SPIRE1: variants seen among roughly 807,000 people sequenced by gnomAD.
SPIRE1 encodes protein spire homolog 1.
A neutral mutation model predicts 94.1 loss-of-function variants in SPIRE1; 40 were observed. That is an observed-to-expected ratio of 0.43 (90% CI 0.33 to 0.55). The LOEUF (loss-of-function observed/expected upper bound fraction) is 0.55. Among genes scored for constraint, SPIRE1 ranks in the 20% least tolerant of loss-of-function variants. The pLI, the probability that SPIRE1 is intolerant of heterozygous loss-of-function variation, is 0.06. For synonymous variants in SPIRE1, 376 were observed against 371.7 expected, an observed-to-expected ratio of 1.01 and a Z score of -0.13; for missense variants, 838 against 975.2, an observed-to-expected ratio of 0.86 and a Z score of 1.87.
intron 10 of SPIRE1, among the ~76,000 whole-genome samples, chr18:12,465,604 T>C (rs1171349471): frequency 6.6e-6 from 1 of 152,170 alleles, no homozygotes; most frequent in East Asian, 1.9e-4. Flanking sequence ...TTAATATTAT[T>C]AGGGAAATAT....
intron 5 of SPIRE1, among the ~76,000 whole-genome samples, chr18:12,511,082 T>G (rs1015790595): frequency 6.6e-6 from 1 of 152,232 alleles, no homozygotes; most frequent in African/African-American, 2.4e-5. Flanking sequence ...TTGTTTATTC[T>G]GCATTCCCGG....
intron 12 of SPIRE1, among the ~76,000 whole-genome samples, chr18:12,457,883 C>A (rs1652681): frequency 7.1e-6 from 1 of 141,784 alleles, no homozygotes; most frequent in Non-Finnish European, 1.5e-5. Flanking sequence ...CTCGCTCTTT[C>A]GCCCAGGCTG....
At chr18:12,624,412 G>A (rs112883150) in intron 2 of SPIRE1, among the ~76,000 whole-genome samples, 5 of 151,262 alleles carry the variant, frequency 3.3e-5, no homozygotes, top group East Asian at 2.0e-4. Context: ...GCGTGGTGGC[G>A]TGTGCCTGTA....
intron 10 of SPIRE1, among the ~76,000 whole-genome samples, chr18:12,469,355 A>G (rs1021204369): frequency 2.8e-4 from 42 of 151,608 alleles, no homozygotes; most frequent in African/African-American, 1.0e-3. Flanking sequence ...GGCAAGTGCC[A>G]CCATGCCTGG....
intron 8 of SPIRE1, among the ~76,000 whole-genome samples, chr18:12,487,061 C>T (rs1243298767): frequency 1.3e-5 from 2 of 152,154 alleles, no homozygotes; most frequent in Admixed American, 6.5e-5. Context: ...CCATATTGGC[C>T]AGGCTGGTCT....
rs1043623589 is a variant in SPIRE1 at position 12,615,544 on chromosome 18, A to C, written c.372+19518T>G. ...GACAGAGAGAGACTCTATCTCCACA[A>C]AAAAAAAAAAAATCCCAAATTTTAA... On this transcript the variant is annotated intron_variant, in intron 2 of 16. Coordinates refer to ENST00000409402, the MANE Select transcript of SPIRE1 (RefSeq NM_001128626.2). Among the ~76,000 whole-genome samples the C allele has an allele frequency of 2.3e-3, 323 of 143,450 alleles. 3 individuals carry two copies. Among genetic ancestry groups the C allele is most frequent in the African/African-American group, 7.7e-3 (303 of 39,258 alleles). 94.1% of individuals were successfully genotyped at this position (143,450 alleles called of 152,430 possible). A position where few individuals can be genotyped will look rare whatever the true frequency, so the allele number is the denominator to read the frequency against.
chr18:12,449,702 A>G lies in SPIRE1; in HGVS notation c.2207T>C (p.Phe736Ser). 3.1e-6 allele frequency: 5 copies of G among 1,614,176 alleles called. No homozygotes were observed. Among genetic ancestry groups the G allele is most frequent in the Non-Finnish European group, 3.4e-6 (4 of 1,180,038 alleles). The change falls in exon 17 of 17, where the codon TTC becomes TCC. Residue 736 changes from phenylalanine to serine, a missense_variant. Physicochemically the swap from Phe to Ser is radical, Grantham distance 155. Coordinates refer to ENST00000409402, the MANE Select transcript of SPIRE1 (RefSeq NM_001128626.2). ...CGAGGGGCCTGGCGAGGACATGTAG[A>G]AAGACTGCGTTTTCCTTTTCAATCG... Reference protein sequence around the residue: ...RARLKRKTQSFYMSSPGPSEY... With the variant: ...RARLKRKTQSSYMSSPGPSEY...
chr18:12,561,136 AAG>A (rs1396017492), intron 2 of SPIRE1, among the ~76,000 whole-genome samples: 2 of 152,306 alleles, frequency 1.3e-5, no homozygotes, highest in African/African-American at 4.8e-5. Context: ...AAAAAGAAAA[AAG>A]AAATATTTAA....
intron 1 of SPIRE1, among the ~76,000 whole-genome samples, chr18:12,648,908 A>T (rs966513763): frequency 6.6e-6 from 1 of 151,402 alleles, no homozygotes; most frequent in South Asian, 2.1e-4. Context: ...AAAAAAAAAA[A>T]AAAGAAAAAG....
chr18:12,635,946 T>C (rs900312948), intron 1 of SPIRE1, among the ~76,000 whole-genome samples: 2 of 151,688 alleles, frequency 1.3e-5, no homozygotes, highest in Admixed American at 6.6e-5. Context: ...TGGAGTGCAG[T>C]GGTGTGATTT....
intron 3 of SPIRE1, among the ~76,000 whole-genome samples, chr18:12,542,118 A>G (rs779485207): frequency 6.6e-6 from 1 of 151,920 alleles, no homozygotes; most frequent in Non-Finnish European, 1.5e-5. Context: ...CTGGGATTAC[A>G]GGCATGCAGC....
chr18:12,508,044 G>C (rs1377912398), intron 5 of SPIRE1, among the ~76,000 whole-genome samples: 1 of 152,084 alleles, frequency 6.6e-6, no homozygotes, highest in African/African-American at 2.4e-5. Flanking sequence ...TACTCAGGAG[G>C]CTGAGGCAGG....
intron 4 of SPIRE1, among the ~76,000 whole-genome samples, chr18:12,524,336 G>C (rs906792471): frequency 6.6e-6 from 1 of 152,120 alleles, no homozygotes; most frequent in South Asian, 2.1e-4. Context: ...CATTAAATTT[G>C]GGGTAAGATT....
chr18:12,625,562 A>G (rs572501138), intron 2 of SPIRE1, among the ~76,000 whole-genome samples: 3 of 152,366 alleles, frequency 2.0e-5, no homozygotes, highest in East Asian at 1.9e-4. Flanking sequence ...TTTCTACAAG[A>G]TATTTTAAGA....
At chr18:12,513,729 G>A (rs2034110719) in intron 4 of SPIRE1, among the ~76,000 whole-genome samples, 1 of 152,118 alleles carries the variant, frequency 6.6e-6, no homozygotes, top group South Asian at 2.1e-4. Context: ...CTCCATGTCG[G>A]TCAGGCTGTT....
chr18:12,595,592 C>T (rs944012145), intron 2 of SPIRE1, among the ~76,000 whole-genome samples: 5 of 152,192 alleles, frequency 3.3e-5, no homozygotes, highest in African/African-American at 1.2e-4. Context: ...AAATGGCAGA[C>T]ATCTGAAGTT....
chr18:12,494,105 GTCTC>G (rs1166930555), intron 7 of SPIRE1, among the ~76,000 whole-genome samples: 1 of 151,784 alleles, frequency 6.6e-6, no homozygotes. Context: ...TAGAGAGAGG[GTCTC>G]TCTATGTTGC....
chr18:12,624,815 G>C (rs2037574678), intron 2 of SPIRE1, among the ~76,000 whole-genome samples: 1 of 141,420 alleles, frequency 7.1e-6, no homozygotes, highest in Non-Finnish European at 1.5e-5. Context: ...CTGGGCGACA[G>C]AGTGAGACTC....
intron 1 of SPIRE1, among the ~76,000 whole-genome samples, chr18:12,642,792 C>T (rs147641226): frequency 6.6e-6 from 1 of 152,096 alleles, no homozygotes; most frequent in Admixed American, 6.6e-5. Flanking sequence ...GGAGGAAGAG[C>T]ATTAGGACAA....
Sources: gnomAD v4.1 joint callset for allele counts (sites outside exome capture counted in the v4.1 genomes callset) on GRCh38, gnomAD v4.1.1 for gene constraint, MANE v1.5 for transcripts, NCBI Gene and HGNC (gene_info 2026-07-23, HGNC 2026-07-21) for gene names.